The following GRM8 variants were observed in gnomAD, a reference collection of about 807,000 sequenced individuals.
GRM8 encodes the protein glutamate metabotropic receptor 8.
Under a neutral mutation model 87.2 loss-of-function variants are expected in GRM8, and 47 were observed. The observed-to-expected ratio is 0.54, with a 90% CI of 0.43 to 0.69. GRM8 has a LOEUF of 0.69. GRM8 is among the 30% of genes least tolerant of loss of function. The probability of loss-of-function intolerance (pLI) is 0.00; values close to 1 mark genes in which losing one functional copy is unlikely to be tolerated. For synonymous variants in GRM8, 396 were observed against 404.5 expected (o/e 0.98, Z 0.25); for missense variants, 1,019 against 1,139.2 (o/e 0.89, Z 1.52).
intron 7 of GRM8, among the ~76,000 whole-genome samples, chr7:126,719,007 T>TGGGA (rs953108139): frequency 6.6e-6 from 1 of 152,184 alleles, no homozygotes; most frequent in African/African-American, 2.4e-5. Context: ...CTGCATATTG[T>TGGGA]GGGACAATGG....
chr7:126,777,349 CA>C (rs1012750550), intron 6 of GRM8, among the ~76,000 whole-genome samples: 2 of 152,076 alleles, frequency 1.3e-5, no homozygotes, highest in African/African-American at 4.8e-5. Flanking sequence ...AACTGAGATT[CA>C]AAAAGTCAAA....
At chr7:126,934,091 T>G in intron 3 of GRM8, among the ~76,000 whole-genome samples, 1 of 152,260 alleles carries the variant, frequency 6.6e-6, no homozygotes, top group South Asian at 2.1e-4. Flanking sequence ...TCCCAAATAC[T>G]TAAGGAGTCA....
At chr7:126,550,508 T>C (rs955367525) in intron 8 of GRM8, among the ~76,000 whole-genome samples, 2 of 152,156 alleles carry the variant, frequency 1.3e-5, no homozygotes, top group African/African-American at 4.8e-5. Flanking sequence ...GATAACTTTG[T>C]AGAAAAACTA....
chr7:126,671,756 G>C (rs1806405628), intron 7 of GRM8, among the ~76,000 whole-genome samples: 1 of 152,172 alleles, frequency 6.6e-6, no homozygotes, highest in Non-Finnish European at 1.5e-5. Flanking sequence ...GGGAAAGTAA[G>C]ACCAACGTAG....
At position 126,847,593 on chromosome 7, in the gene GRM8, G is replaced by A. The variant is rs142824654; in HGVS notation, c.1156+54949C>T. 2.5e-3 allele frequency among the ~76,000 whole-genome samples: 377 copies of A among 152,222 alleles called. 2 individuals are homozygous for A. Among genetic ancestry groups the A allele is most frequent in the African/African-American group, 8.6e-3 (359 of 41,560 alleles). On this transcript the variant is annotated intron_variant, in intron 6 of 10. Coordinates refer to ENST00000339582, the MANE Select transcript of GRM8 (RefSeq NM_000845.3). ...ATCCCTAGACATCTCTTGTCTCCAG[G>A]TGGTCTCTCCACATGATTTCTCCTA... is the stretch of plus-strand genomic sequence containing the variant.
intron 3 of GRM8, among the ~76,000 whole-genome samples, chr7:126,922,611 G>A (rs1405595585): frequency 2.6e-5 from 4 of 152,002 alleles, no homozygotes; most frequent in African/African-American, 9.7e-5. Flanking sequence ...ATACATGTTT[G>A]GGGCCCTGAT....
intron 9 of GRM8, among the ~76,000 whole-genome samples, chr7:126,515,454 A>G (rs1203760838): frequency 2.0e-5 from 3 of 152,142 alleles, no homozygotes; most frequent in African/African-American, 4.8e-5. Context: ...TACTTACTGT[A>G]TAAGTTTCCT....
intron 8 of GRM8, among the ~76,000 whole-genome samples, chr7:126,576,943 C>T (rs1439813714): frequency 6.6e-6 from 1 of 152,218 alleles, no homozygotes; most frequent in African/African-American, 2.4e-5. Flanking sequence ...ACAGGTTGTG[C>T]AAGCTTTTGA....
intron 6 of GRM8, among the ~76,000 whole-genome samples, chr7:126,776,453 A>G (rs958400516): frequency 2.6e-5 from 4 of 152,166 alleles, no homozygotes; most frequent in African/African-American, 9.7e-5. Flanking sequence ...TATCTCCCCA[A>G]GGGCATCAAG....
At chr7:126,768,781 T>C (rs1818491493) in intron 7 of GRM8, among the ~76,000 whole-genome samples, 1 of 152,072 alleles carries the variant, frequency 6.6e-6, no homozygotes, top group African/African-American at 2.4e-5. Context: ...CATAATTGCA[T>C]AAAAATTATT....
At chr7:127,180,563 C>T (rs924695323) in intron 2 of GRM8, among the ~76,000 whole-genome samples, 5 of 152,086 alleles carry the variant, frequency 3.3e-5, no homozygotes, top group South Asian at 4.2e-4. Context: ...AACTACAGAC[C>T]GATATCCTTG....
intron 2 of GRM8, among the ~76,000 whole-genome samples, chr7:127,115,650 T>C (rs747586947): frequency 3.3e-5 from 5 of 152,140 alleles, no homozygotes; most frequent in South Asian, 4.1e-4. Context: ...ATAAGATTAA[T>C]AAACCTTTTT....
rs555918004 is a variant in GRM8, at chr7:126,644,000, T to C, written c.1358-34502A>G. On this transcript the variant is annotated intron_variant, in intron 7 of 10. Transcript: ENST00000339582. ...AAATAAAATCATTTGAATAAATGTA[T>C]GAAAAAGTGGGTTTGGTTAAAAGGA... 2.2e-4 allele frequency among the ~76,000 whole-genome samples: 34 copies of C among 152,346 alleles called. No individual in the cohort carries two copies. The South Asian group carries it at 3.7e-3, about 17-fold the overall frequency.
intron 6 of GRM8, among the ~76,000 whole-genome samples, chr7:126,892,044 C>G (rs1475366464): frequency 1.1e-5 from 1 of 88,124 alleles, no homozygotes; most frequent in African/African-American, 4.3e-5. Context: ...AAAAAAAAAA[C>G]CCTAATAAAC....
At chr7:126,610,364 A>T (rs1585213996) in intron 7 of GRM8, among the ~76,000 whole-genome samples, 1 of 151,534 alleles carries the variant, frequency 6.6e-6, no homozygotes, top group Non-Finnish European at 1.5e-5. Flanking sequence ...ACATTTTTTT[A>T]TTATTATTAT....
chr7:126,526,713 A>C (rs1813899595), intron 9 of GRM8, among the ~76,000 whole-genome samples: 1 of 152,200 alleles, frequency 6.6e-6, no homozygotes, highest in South Asian at 2.1e-4. Flanking sequence ...TTTCTGCAGG[A>C]TTAATATGTA....
chr7:126,924,725 AATTGTACACAGCATC>A (rs1191166320), intron 3 of GRM8, among the ~76,000 whole-genome samples: 4 of 152,182 alleles, frequency 2.6e-5, no homozygotes, highest in African/African-American at 7.2e-5. Context: ...ATCTGGCTCT[AATTGTACACAGCATC>A]ATGCAAAAGA....
At chr7:126,819,275 T>TACACACACACACACACACACACACAC (rs3038867) in intron 6 of GRM8, among the ~76,000 whole-genome samples, 1 of 148,230 alleles carries the variant, frequency 6.7e-6, no homozygotes, top group Admixed American at 6.8e-5. Flanking sequence ...CAGACACACA[T>TACACACACACACACACACACACACAC]ACACACACAC....
chr7:126,476,301 G>A (rs538660633), intron 9 of GRM8, among the ~76,000 whole-genome samples: 46 of 152,216 alleles, frequency 3.0e-4, no homozygotes, highest in African/African-American at 1.1e-3. Flanking sequence ...TATGCCTGTA[G>A]TTCCAGCTAA....
Sources: gnomAD v4.1 joint callset for allele counts (sites outside exome capture counted in the v4.1 genomes callset) on GRCh38, gnomAD v4.1.1 for gene constraint, MANE v1.5 for transcripts, NCBI Gene and HGNC (gene_info 2026-07-23, HGNC 2026-07-21) for gene names.